The following B3GALNT1 variants were observed in gnomAD, a reference collection of about 807,000 sequenced individuals.
B3GALNT1 encodes beta-1,3-N-acetylgalactosaminyltransferase 1 (Globoside blood group).
A neutral mutation model predicts 27.3 loss-of-function variants in B3GALNT1; 17 were observed. The observed-to-expected ratio is 0.62, with a 90% CI of 0.43 to 0.94. The LOEUF is 0.94. Ranked by LOEUF, B3GALNT1 falls within the 40% of genes least tolerant of loss-of-function variation. The pLI is 0.00. For synonymous variants in B3GALNT1, 141 were observed against 144.0 expected, an observed-to-expected ratio of 0.98 and a Z score of 0.15; for missense variants, 347 against 390.0, an observed-to-expected ratio of 0.89 and a Z score of 0.93.
At chr3:161,089,255 A>T (rs1723642625) in intron 4 of B3GALNT1, among the ~76,000 whole-genome samples, 1 of 152,238 alleles carries the variant, frequency 6.6e-6, no homozygotes, top group Non-Finnish European at 1.5e-5. Context: ...AACAAACAGA[A>T]GCTGTTATTA....
chr3:161,085,536 A>C lies in B3GALNT1; in HGVS notation c.*223T>G. The C allele has an allele frequency of 1.8e-6, 1 of 548,434 alleles. No individual in the cohort carries two copies. The highest frequency in any genetic ancestry group is 2.4e-5 in the South Asian group (1 of 42,444). The allele number at this position is 548,434 out of a possible 1,614,324, so 34.0% of individuals were successfully genotyped here. On this transcript the variant is annotated 3_prime_UTR_variant, in exon 5 of 5. Transcript: ENST00000320474. ...GGTCCTATTAATTTCTTTAGCAAAAACCTCCAATTCCTTTATATTTAATTC... is the reference window on the plus strand; with the variant it reads ...GGTCCTATTAATTTCTTTAGCAAAACCCTCCAATTCCTTTATATTTAATTC...
At chr3:161,103,545 T>C (rs1732576387) in intron 2 of B3GALNT1, 28 bp from the exon 3 acceptor site, 1 of 945,952 alleles carries the variant, frequency 1.1e-6, no homozygotes, top group South Asian at 1.5e-5. Flanking sequence ...AAAAAATATA[T>C]ATGAGTCATA....
intron 4 of B3GALNT1, among the ~76,000 whole-genome samples, chr3:161,090,926 G>T (rs990777326): frequency 1.3e-5 from 2 of 152,130 alleles, no homozygotes; most frequent in Non-Finnish European, 2.9e-5. Context: ...TAGTTCAGAG[G>T]AAGCAAATAG....
rs909335201 is a variant in B3GALNT1, at chr3:161,100,459, T to C, written c.-35+680A>G. 5.3e-5 allele frequency among the ~76,000 whole-genome samples: 8 copies of C among 152,204 alleles called. 2 individuals are homozygous for C. The South Asian group carries it at 8.3e-4, about 16-fold the overall frequency. ...CTTCTAAGATGTATGGGAGAATGTC[T>C]TTCATTAAAGCTTCATTAAAAGGGA... is the stretch of plus-strand genomic sequence containing the variant. On this transcript the variant is annotated intron_variant, in intron 4 of 4. Coordinates refer to ENST00000320474, the MANE Select transcript of B3GALNT1 (RefSeq NM_003781.4).
intron 1 of B3GALNT1, chr3:161,104,657 G>C (rs972517096): frequency 8.8e-6 from 2 of 228,226 alleles, no homozygotes; most frequent in Non-Finnish European, 1.8e-5. Flanking sequence ...TTCTCTCTCC[G>C]CCCGTTCTCC....
Position 161,086,279 on chromosome 3 carries a change from G to T in B3GALNT1, c.476C>A (p.Thr159Asn). 1 of 1,614,160 alleles carries T rather than the reference G, an allele frequency of 6.2e-7. No homozygotes were observed. Among genetic ancestry groups the T allele is most frequent in the Non-Finnish European group, 8.5e-7 (1 of 1,180,026 alleles). The change falls in exon 5 of 5, where the codon ACC (threonine) becomes AAC (asparagine). Residue 159 changes from threonine (T) to asparagine (N), a missense_variant. Physicochemically the swap from Thr to Asn is moderately conservative, Grantham distance 65. Coordinates refer to ENST00000320474, the MANE Select transcript of B3GALNT1 (RefSeq NM_003781.4). Reference protein sequence around the residue: ...LDTYNNLTLKTIMAFRWVTEF... With the variant: ...LDTYNNLTLKNIMAFRWVTEF... Reference sequence around the variant, plus strand: ...AGTTACCCACCTGAATGCCATAATGGTTTTCAAGGTCAGGTTATTATATGT... The same window carrying T: ...AGTTACCCACCTGAATGCCATAATGTTTTTCAAGGTCAGGTTATTATATGT...
At chr3:161,092,269 T>G (rs35933936) in intron 4 of B3GALNT1, among the ~76,000 whole-genome samples, 2,537 of 152,298 alleles carry the variant, frequency 0.017, 76 homozygotes, top group African/African-American at 0.059. Context: ...TCCTATATGA[T>G]AGCTAAATGA....
intron 4 of B3GALNT1, among the ~76,000 whole-genome samples, chr3:161,093,168 AG>A (rs1303979406): frequency 6.6e-6 from 1 of 152,170 alleles, no homozygotes; most frequent in African/African-American, 2.4e-5. Context: ...CAGGACCAAG[AG>A]CACTTAATGG....
chr3:161,100,991 G>A (rs889978639), intron 4 of B3GALNT1, 148 bp downstream of exon 4: 2 of 424,584 alleles, frequency 4.7e-6, no homozygotes, highest in Non-Finnish European at 8.6e-6. Flanking sequence ...AGGAAGACAT[G>A]GAATCCAAAC....
In B3GALNT1 at chr3:161,096,138, T is replaced by A. The variant is rs1303620680; in HGVS notation, c.-35+5001A>T. 1.3e-5 allele frequency among the ~76,000 whole-genome samples: 2 copies of A among 152,250 alleles called. 1 individual carries two copies. The highest frequency in any genetic ancestry group is 1.3e-4 in the Admixed American group (2 of 15,290). Reference sequence around the variant, plus strand: ...AACACATAGTAGGCTCTCTGTAATATTTGCATACTTTGCAAATGATTTGGT... The same window carrying A: ...AACACATAGTAGGCTCTCTGTAATAATTGCATACTTTGCAAATGATTTGGT... On this transcript the variant is annotated intron_variant, in intron 4 of 4. Coordinates refer to ENST00000320474, the MANE Select transcript of B3GALNT1 (RefSeq NM_003781.4).
chr3:161,104,910 G>A (rs1271697931), intron 1 of B3GALNT1: 4 of 152,464 alleles, frequency 2.6e-5, no homozygotes, highest in Admixed American at 1.3e-4. Context: ...GGCAAGGCAA[G>A]GTGGACAACC....
In B3GALNT1 at chr3:161,086,600, A is replaced by G. The variant is rs1449044650; in HGVS notation, c.155T>C (p.Phe52Ser). 1 of 1,614,182 alleles carries G rather than the reference A, an allele frequency of 6.2e-7. No individual in the cohort carries two copies. The highest frequency in any genetic ancestry group is 8.5e-7 in the Non-Finnish European group (1 of 1,180,040). ...TCTGTAAATCGGCTCATACTCATAG[A>G]AGTACATCCAGTTCACGCGTTCTAT... The part of the protein sequence containing the change: ...NVIERVNWMY[F>S]YEYEPIYRQD... The change falls in exon 5 of 5, where the codon TTC (phenylalanine) becomes TCC (serine). Residue 52 changes from phenylalanine (F) to serine (S), a missense_variant. Transcript: ENST00000320474.
At chr3:161,102,795 A>G (rs1732070129) in intron 3 of B3GALNT1, among the ~76,000 whole-genome samples, 2 of 152,162 alleles carry the variant, frequency 1.3e-5, no homozygotes, top group Admixed American at 6.5e-5. Flanking sequence ...TTTGGTCTGG[A>G]CATGATATAG....
chr3:161,099,798 C>T (rs1001997288), intron 4 of B3GALNT1, among the ~76,000 whole-genome samples: 3 of 151,172 alleles, frequency 2.0e-5, no homozygotes, highest in Non-Finnish European at 2.9e-5. Flanking sequence ...TAGATTGTGT[C>T]CCCCTTCTCT....
intron 4 of B3GALNT1, among the ~76,000 whole-genome samples, chr3:161,088,667 T>C (rs1723356118): frequency 1.3e-5 from 2 of 152,198 alleles, no homozygotes; most frequent in Non-Finnish European, 2.9e-5. Context: ...ACGCAACCCT[T>C]GAGGGAACCA....
chr3:161,087,478 C>A (rs1310197516), intron 4 of B3GALNT1, among the ~76,000 whole-genome samples: 1 of 151,882 alleles, frequency 6.6e-6, no homozygotes, highest in Non-Finnish European at 1.5e-5. Flanking sequence ...CTCCTTTTAC[C>A]TCATTGGTTA....
At position 161,086,575 on chromosome 3, in the gene B3GALNT1, TC is replaced by T. The variant is rs1243001121; in HGVS notation, c.179del (p.Arg60AsnfsTer25). 7 of 1,614,040 alleles carry T rather than the reference TC, an allele frequency of 4.3e-6. No individual in the cohort carries two copies. The highest frequency in any genetic ancestry group is 5.9e-6 in the Non-Finnish European group (7 of 1,180,048). Reference sequence around the variant, plus strand: ...CTCGAAGTGTGAAGTGAAAGTCTTGTCTGTAAATCGGCTCATACTCATAGAA... The same window carrying T: ...CTCGAAGTGTGAAGTGAAAGTCTTGTTGTAAATCGGCTCATACTCATAGAA... ...MYFYEYEPIY[R>X]QDFHFTLREH... On this transcript the variant is annotated frameshift_variant, in exon 5 of 5. Coordinates refer to ENST00000320474, the MANE Select transcript of B3GALNT1 (RefSeq NM_003781.4). LOFTEE classifies it high-confidence loss of function.
Position 161,093,517 on chromosome 3 carries a change from C to T in B3GALNT1, c.-34-6729G>A, listed in dbSNP as rs557487511. The stretch of plus-strand genomic sequence containing the variant: ...GCTGAGCAGTGGGCTACAAGGACCC[C>T]GACACTGTTCTAAATCCCATGTCCC... On this transcript the variant is annotated intron_variant, in intron 4 of 4. Transcript: ENST00000320474. Among the ~76,000 whole-genome samples the T allele has an allele frequency of 6.8e-4, 104 of 152,114 alleles. 2 individuals carry two copies. The South Asian group carries it at 0.016, about 23-fold the overall frequency.
chr3:161,089,077 A>C (rs1034239574), intron 4 of B3GALNT1, among the ~76,000 whole-genome samples: 2 of 152,228 alleles, frequency 1.3e-5, no homozygotes, highest in African/African-American at 4.8e-5. Flanking sequence ...GGTGGCTCCA[A>C]AGCCAGCCAC....
Sources: allele counts gnomAD v4.1 joint callset (sites outside exome capture counted in the v4.1 genomes callset), GRCh38; gene constraint gnomAD v4.1.1; transcripts MANE v1.5; gene names NCBI Gene and HGNC (gene_info 2026-07-23, HGNC 2026-07-21).